Variants in MELTF observed in about 807,000 individuals in gnomAD.
MELTF encodes the protein antigen p97 (melanoma associated) identified by monoclonal antibodies 133.2 and 96.5.
In MELTF, 67 loss-of-function variants were observed where a neutral mutation model predicts 83.7. The ratio of observed to expected loss-of-function variants is 0.80; its 90% confidence interval spans 0.66 to 0.98. The LOEUF (loss-of-function observed/expected upper bound fraction) is 0.98. Ranked by LOEUF, MELTF falls within the 50% of genes least tolerant of loss-of-function variation. The pLI, the probability that MELTF is intolerant of heterozygous loss-of-function variation, is 0.00. For synonymous variants in MELTF, 462 were observed against 447.6 expected (o/e 1.03, Z -0.41); for missense variants, 1,002 against 1,035.6 (o/e 0.97, Z 0.44).
rs1719175770 is a variant in MELTF at position 197,011,201 on chromosome 3, T to C, written c.1234-407A>G. On this transcript the variant is annotated intron_variant, in intron 9 of 15. Transcript: ENST00000296350. The surrounding 1 kb of genome is among the most constrained non-coding windows in gnomAD (Gnocchi z 4.2). ...AGGGCCAGCACAGCGTGTGCTGCAA[T>C]GCCTGTCTGTTAAATGCGTGTACAG... is the stretch of plus-strand genomic sequence containing the variant. Among the ~76,000 whole-genome samples the C allele has an allele frequency of 6.6e-6, 1 of 152,208 alleles. No homozygotes were observed. Among genetic ancestry groups the C allele is most frequent in the African/African-American group, 2.4e-5 (1 of 41,464 alleles).
At position 197,027,905 on chromosome 3, in the gene MELTF, C is replaced by G. The variant is rs750544772; in HGVS notation, c.55G>C (p.Gly19Arg). The G allele has an allele frequency of 6.3e-7, 1 of 1,585,716 alleles. No individual in the cohort carries two copies. The change falls in exon 2 of 16, where the codon GGT becomes CGT. Residue 19 changes from glycine to arginine, a missense_variant. Physicochemically the swap from Gly to Arg is moderately radical, Grantham distance 125. Transcript: ENST00000296350. ...WLLLALRTVL[G>R]GMEVRWCATS... is the part of the protein sequence containing the mutation. ...GCGCACCACCGCACCTCCATGCCAC[C>G]GAGCACTGCGGGCAGGGGACCGTGA... is the stretch of plus-strand genomic sequence containing the variant.
At position 197,021,435 on chromosome 3, in the gene MELTF, C is replaced by T. The variant is rs1719619403; in HGVS notation, c.681G>A (p.Val227=). Residue 227 remains valine, a synonymous_variant, in exon 6 of 16, where the codon GTG becomes GTA. Transcript: ENST00000296350. ...TGTTCTCCAGTACCGTGCTGTGCTTCACAAAAGCCACGTCCCCTGCCCCTT... is the reference window on the plus strand; with the variant it reads ...TGTTCTCCAGTACCGTGCTGTGCTTTACAAAAGCCACGTCCCCTGCCCCTT... ...LAEGAGDVAF[V]KHSTVLENTD... is the part of the protein sequence containing the mutation. 5 of 1,614,128 alleles carry T rather than the reference C, an allele frequency of 3.1e-6. No individual in the cohort carries two copies. Among genetic ancestry groups the T allele is most frequent in the Middle Eastern group, 1.6e-4 (1 of 6,062 alleles).
In MELTF at chr3:197,003,569, T is replaced by A; in HGVS notation, c.2138-118A>T. On this transcript the variant is annotated intron_variant, in intron 15 of 15. Transcript: ENST00000296350. This position sits in a 1 kb window ranked among gnomAD's most constrained non-coding sequence, Gnocchi z 6.2. ...GGGACCGAACTCGCCGCAGCCTCCC[T>A]CTTTGTGCTCCTTTCCCCTGCTGCC... The A allele has an allele frequency of 1.3e-6, 1 of 740,832 alleles. No homozygotes were observed. The highest frequency in any genetic ancestry group is 1.9e-6 in the Non-Finnish European group (1 of 537,282). The allele number at this position is 740,832 out of a possible 1,614,324, so 45.9% of individuals were successfully genotyped here. A position where few individuals can be genotyped will look rare whatever the true frequency, so the allele number is the denominator to read the frequency against.
rs891258209 is a variant in MELTF at position 197,008,114 on chromosome 3, C to T, written c.1750+543G>A. 3.3e-5 allele frequency among the ~76,000 whole-genome samples: 5 copies of T among 152,178 alleles called. No homozygotes were observed. The highest frequency in any genetic ancestry group is 4.8e-5 in the African/African-American group (2 of 41,436). ...TAGGACCATGTATGTACTGGGGTCC[C>T]GGAGCAGAGCGTTCCTGAGCTCTTT... On this transcript the variant is annotated intron_variant, in intron 13 of 15. Transcript: ENST00000296350. This position sits in a 1 kb window ranked among gnomAD's most constrained non-coding sequence, Gnocchi z 5.4.
intron 10 of MELTF, 102 bp downstream of exon 10, chr3:197,010,596 G>T (rs1260661814): frequency 4.7e-5 from 45 of 964,998 alleles, no homozygotes; most frequent in Non-Finnish European, 6.3e-6. Flanking sequence ...CCCCAGGAGA[G>T]AGGCATGGAG....
At chr3:197,009,552 C>CTGCG in intron 11 of MELTF, 66 bp downstream of exon 11, 2 of 1,498,344 alleles carry the variant, frequency 1.3e-6, no homozygotes, top group Non-Finnish European at 9.1e-7. Flanking sequence ...CCCCAACAGG[C>CTGCG]TGCGGGTCCC....
At position 197,006,193 on chromosome 3, in the gene MELTF, C is replaced by G; in HGVS notation, c.1938+356G>C. Among the ~76,000 whole-genome samples, 1 of 151,486 alleles carries G rather than the reference C, an allele frequency of 6.6e-6. No individual in the cohort carries two copies. The highest frequency in any genetic ancestry group is 1.9e-4 in the East Asian group (1 of 5,146). On this transcript the variant is annotated intron_variant, in intron 14 of 15. Transcript: ENST00000296350. This position sits in a 1 kb window ranked among gnomAD's most constrained non-coding sequence, Gnocchi z 5.4. ...CCGAGATAGTGCCACTGCACTCCAG[C>G]CTGGGGCGACAGAGTAAGACTCCGT...
intron 3 of MELTF, chr3:197,026,254 C>A (rs1719848750): frequency 5.2e-6 from 1 of 193,426 alleles, no homozygotes; most frequent in Non-Finnish European, 1.1e-5. Flanking sequence ...GTGCCGCTGC[C>A]AGACAGCACC....
rs761070612 is a variant in MELTF, at chr3:197,027,881, C to T, written c.79G>A (p.Ala27Thr). The T allele has an allele frequency of 1.7e-5, 27 of 1,601,972 alleles. No homozygotes were observed. In the Admixed American group the frequency reaches 2.2e-4, roughly 13 times the overall value. ...VLGGMEVRWC[A>T]TSDPEQHKCG... The stretch of plus-strand genomic sequence containing the variant: ...TTGTGCTGCTCTGGGTCCGAGGTGG[C>T]GCACCACCGCACCTCCATGCCACCG... The change falls in exon 2 of 16, where the codon GCC (alanine) becomes ACC (threonine). Residue 27 changes from alanine (A) to threonine (T), a missense_variant. Physicochemically the swap from Ala to Thr is moderately conservative, Grantham distance 58 (BLOSUM62 0). Transcript: ENST00000296350.
chr3:197,017,191 C>T lies in MELTF; in HGVS notation c.812G>A (p.Cys271Tyr), dbSNP rs1318433965. 6 of 1,605,024 alleles carry T rather than the reference C, an allele frequency of 3.7e-6. No homozygotes were observed. Among genetic ancestry groups the T allele is most frequent in the Non-Finnish European group, 5.1e-6 (6 of 1,177,080 alleles). Reference protein sequence around the residue: ...SRADVTEWRQCHLARVPAHAV... With the variant: ...SRADVTEWRQYHLARVPAHAV... ...GTGAGCAGGCACCCGGGCCAGATGG[C>T]ACTGCCTCCACTCGGTGACATCGGC... The change falls in exon 7 of 16, where the codon TGC becomes TAC. Residue 271 changes from cysteine to tyrosine, a missense_variant. Coordinates refer to ENST00000296350, the MANE Select transcript of MELTF (RefSeq NM_005929.6).
Position 197,004,080 on chromosome 3 carries a change from T to C in MELTF, c.1958A>G (p.His653Arg). ...GAACATTTTGAACCCGTTCTTATTG[T>C]GGTCGTCTCCAAACAGGTCCTGGAA... ...DKAQDLFGDD[H>R]NKNGFKMFDS... The change falls in exon 15 of 16, where the codon CAC becomes CGC. Residue 653 changes from histidine (H) to arginine (R), a missense_variant. By Grantham distance (29) the His-to-Arg change is conservative (BLOSUM62 0). Transcript: ENST00000296350. 5 of 1,614,146 alleles carry C rather than the reference T, an allele frequency of 3.1e-6. No homozygotes were observed. Among genetic ancestry groups the C allele is most frequent in the Non-Finnish European group, 4.2e-6 (5 of 1,180,030 alleles).
At chr3:197,023,221 T>G in intron 4 of MELTF, 108 bp from the exon 5 acceptor site, 1 of 1,112,588 alleles carries the variant, frequency 9.0e-7, no homozygotes, top group South Asian at 1.4e-5. Flanking sequence ...CTGCTGAGAA[T>G]GGTTCCACCT....
Position 197,003,700 on chromosome 3 carries a change from C to G in MELTF, c.2137+201G>C. On this transcript the variant is annotated intron_variant, in intron 15 of 15. Coordinates refer to ENST00000296350, the MANE Select transcript of MELTF (RefSeq NM_005929.6). This position sits in a 1 kb window ranked among gnomAD's most constrained non-coding sequence, Gnocchi z 6.2. ...GAGCGTTCACACTCATTACCCAGGTCCGTCTGGGAGACCCGCCGGGCTCCC... is the reference window on the plus strand; with the variant it reads ...GAGCGTTCACACTCATTACCCAGGTGCGTCTGGGAGACCCGCCGGGCTCCC... 1 of 689,926 alleles carries G rather than the reference C, an allele frequency of 1.4e-6. No homozygotes were observed. Among genetic ancestry groups the G allele is most frequent in the South Asian group, 1.9e-5 (1 of 52,596 alleles). The allele number at this position is 689,926 out of a possible 1,614,324, so 42.7% of individuals were successfully genotyped here.
chr3:197,027,144 G>A (rs920416321), intron 2 of MELTF: 3 of 236,394 alleles, frequency 1.3e-5, no homozygotes, highest in African/African-American at 6.7e-5. Flanking sequence ...TGTGCTTGGG[G>A]TTTCTGCCCT....
intron 14 of MELTF, among the ~76,000 whole-genome samples, chr3:197,005,692 G>A (rs1419393578): frequency 6.6e-6 from 1 of 152,204 alleles, no homozygotes; most frequent in Non-Finnish European, 1.5e-5. Flanking sequence ...GCCACTGAGA[G>A]GTCAAGTAAA....
intron 7 of MELTF, 91 bp from the exon 8 acceptor site, chr3:197,016,460 G>T: frequency 8.1e-7 from 1 of 1,230,210 alleles, no homozygotes; most frequent in Non-Finnish European, 1.1e-6. Context: ...CTTCTTCCCC[G>T]ACCTCAGACC....
In MELTF at chr3:197,001,800, A is replaced by G. The variant is rs921821623; in HGVS notation, c.*1572T>C. The G allele has an allele frequency of 3.3e-5, 5 of 151,738 alleles. No homozygotes were observed. Among genetic ancestry groups the G allele is most frequent in the Non-Finnish European group, 7.4e-5 (5 of 67,904 alleles). 9.4% of individuals were successfully genotyped at this position (151,738 alleles called of 1,614,324 possible). A position where few individuals can be genotyped will look rare whatever the true frequency, so the allele number is the denominator to read the frequency against. ...TTGTTTGGCTTTATTTTAGAAACCA[A>G]CCAACATGTTTCATTAGCACTGACA... On this transcript the variant is annotated 3_prime_UTR_variant, in exon 16 of 16. Transcript: ENST00000296350.
chr3:197,003,380 C>T lies in MELTF; in HGVS notation c.2209G>A (p.Ala737Thr), dbSNP rs1263791227. ...GGGCGGGGCGGCCGGGCTCAGAGGG[C>T]GGGCGGGAGCAGGCGGGCGGCGAGG... is the stretch of plus-strand genomic sequence containing the variant. ...PALAARLLPP[A>T]L Residue 737 changes from alanine (A) to threonine (T), a missense_variant, in exon 16 of 16, where the codon GCC becomes ACC. Coordinates refer to ENST00000296350, the MANE Select transcript of MELTF (RefSeq NM_005929.6). This position sits in a 1 kb window ranked among gnomAD's most constrained non-coding sequence, Gnocchi z 6.2. 85 of 1,028,096 alleles carry T rather than the reference C, an allele frequency of 8.3e-5. No individual in the cohort carries two copies. Among genetic ancestry groups the T allele is most frequent in the Non-Finnish European group, 2.2e-5 (19 of 860,740 alleles). 63.7% of individuals were successfully genotyped at this position (1,028,096 alleles called of 1,614,324 possible).
intron 6 of MELTF, chr3:197,019,841 C>T: frequency 6.6e-7 from 1 of 1,520,920 alleles, no homozygotes; most frequent in Non-Finnish European, 8.9e-7. Context: ...CAAAGAATGA[C>T]AATGATTTAA....
Sources: gnomAD v4.1 joint callset for allele counts (sites outside exome capture counted in the v4.1 genomes callset) on GRCh38, gnomAD v4.1.1 for gene constraint, Gnocchi (gnomAD v3.1) non-coding constraint, MANE v1.5 for transcripts, NCBI Gene and HGNC (gene_info 2026-07-23, HGNC 2026-07-21) for gene names.